The following ACOT11 variants were observed in gnomAD, a reference collection of about 807,000 sequenced individuals.
ACOT11 encodes the protein acyl-CoA thioesterase 11.
A neutral mutation model predicts 77.5 loss-of-function variants in ACOT11; 69 were observed. The ratio of observed to expected loss-of-function variants is 0.89; its 90% CI spans 0.73 to 1.09. The LOEUF is 1.09. ACOT11 is among the 50% of genes least tolerant of loss of function. ACOT11 has a pLI of 0.00. For synonymous variants in ACOT11, 279 were observed against 313.0 expected (o/e 0.89, Z 1.15); for missense variants, 766 against 813.7 (o/e 0.94, Z 0.71).
In ACOT11 at chr1:54,584,417, C is replaced by T. The variant is rs1236876842; in HGVS notation, c.34-238C>T. 3.3e-5 allele frequency among the ~76,000 whole-genome samples: 5 copies of T among 152,260 alleles called. No individual in the cohort carries two copies. The highest frequency in any genetic ancestry group is 9.6e-5 in the African/African-American group (4 of 41,554). ...CCACTGGCCCACTCGGGTGCAAGGC[C>T]GTGTTCATGTGCAGTTCTTGGCCAA... On this transcript the variant is annotated intron_variant, in intron 1 of 15. Coordinates refer to ENST00000343744, the MANE Select transcript of ACOT11 (RefSeq NM_147161.4). This position sits in a 1 kb window ranked among gnomAD's most constrained non-coding sequence, Gnocchi z 6.3.
downstream of ACOT11, among the ~76,000 whole-genome samples, chr1:54,611,982 C>T (rs1437689840): frequency 1.3e-5 from 2 of 151,752 alleles, no homozygotes; most frequent in Non-Finnish European, 2.9e-5. Context: ...GCTGCCTCCT[C>T]ACTTGCAGTG....
intron 1 of ACOT11, among the ~76,000 whole-genome samples, chr1:54,559,324 G>A (rs1345889389): frequency 6.6e-6 from 1 of 152,162 alleles, no homozygotes; most frequent in Non-Finnish European, 1.5e-5. Context: ...CCTCAGGGTC[G>A]AGGGAGGCTG....
chr1:54,565,591 G>A (rs987233752), intron 1 of ACOT11, among the ~76,000 whole-genome samples: 9 of 152,174 alleles, frequency 5.9e-5, no homozygotes, highest in Non-Finnish European at 1.3e-4. Context: ...TAAGGAATGA[G>A]GAGGATTCCT....
chr1:54,576,104 T>C (rs2100968597), intron 1 of ACOT11, among the ~76,000 whole-genome samples: 1 of 152,104 alleles, frequency 6.6e-6, no homozygotes, highest in East Asian at 1.9e-4. Context: ...TTGAAGGAGC[T>C]GGGGGTTGCT....
chr1:54,612,115 A>C (rs1295913307), downstream of ACOT11, among the ~76,000 whole-genome samples: 2 of 93,522 alleles, frequency 2.1e-5, no homozygotes, highest in Non-Finnish European at 4.3e-5. Flanking sequence ...TAGGGGGTAT[A>C]GTGGGGGCAG....
chr1:54,577,524 T>C (rs1471871802), intron 1 of ACOT11, among the ~76,000 whole-genome samples: 1 of 152,236 alleles, frequency 6.6e-6, no homozygotes, highest in East Asian at 1.9e-4. Context: ...CAGATATACA[T>C]ATATATCTAT....
At chr1:54,567,402 C>T (rs1468008212) in intron 1 of ACOT11, among the ~76,000 whole-genome samples, 6 of 151,912 alleles carry the variant, frequency 3.9e-5, no homozygotes, top group African/African-American at 1.2e-4. Flanking sequence ...CCTCAGCCTC[C>T]GGAGTAGCTG....
intron 1 of ACOT11, among the ~76,000 whole-genome samples, chr1:54,576,300 G>A (rs579412): frequency 0.06 from 9,158 of 152,090 alleles, 876 homozygotes; most frequent in African/African-American, 0.21. Flanking sequence ...GGAGGCTGAG[G>A]TGGGCAGATG....
chr1:54,605,246 C>G (rs754138091), intron 13 of ACOT11, 37 bp downstream of exon 13: 2 of 1,602,326 alleles, frequency 1.2e-6, no homozygotes, highest in Admixed American at 3.4e-5. Flanking sequence ...AGTGTCCCTT[C>G]TCCGGCCTGA....
In ACOT11 at chr1:54,609,156, TC is replaced by T; in HGVS notation, c.*48del. 1.2e-6 allele frequency: 2 copies of T among 1,612,772 alleles called. No individual in the cohort carries two copies. The highest frequency in any genetic ancestry group is 1.1e-5 in the South Asian group (1 of 90,814). On this transcript the variant is annotated 3_prime_UTR_variant, in exon 16 of 16. Coordinates refer to ENST00000343744, the MANE Select transcript of ACOT11 (RefSeq NM_147161.4). The stretch of plus-strand genomic sequence containing the variant: ...TCATGCCCACTCCCACTCCATCCTG[TC>T]CCCAAGGACTCACATACAGTGCCTG...
At chr1:54,634,582 T>C in intron 16 of ACOT11, 2 of 668,184 alleles carry the variant, frequency 3.0e-6, no homozygotes, top group Non-Finnish European at 5.4e-6. Context: ...GAACAGCCCA[T>C]ACACAATTGA....
At chr1:54,611,117 T>C, downstream of ACOT11, 1 of 743,128 alleles carries the variant, frequency 1.3e-6, no homozygotes, top group Non-Finnish European at 1.6e-6. Context: ...CTCTATAAAA[T>C]GGAATCCCTC....
chr1:54,556,085 C>T (rs557211961), intron 1 of ACOT11, among the ~76,000 whole-genome samples: 1 of 152,204 alleles, frequency 6.6e-6, no homozygotes, highest in South Asian at 2.1e-4. Context: ...GGATTGATTT[C>T]ATTTTTCTAC....
intron 15 of ACOT11, 131 bp downstream of exon 15, chr1:54,608,199 G>C: frequency 1.2e-6 from 1 of 829,666 alleles, no homozygotes; most frequent in Non-Finnish European, 1.8e-6. Context: ...TTCCAGCCTG[G>C]GGGAGCCTGA....
chr1:54,569,094 G>A (rs1653841491), intron 1 of ACOT11, among the ~76,000 whole-genome samples: 1 of 149,496 alleles, frequency 6.7e-6, no homozygotes, highest in African/African-American at 2.5e-5. Flanking sequence ...CTGGGCAATA[G>A]ACAGAGCAAG....
chr1:54,611,711 G>A (rs753674345), downstream of ACOT11: 1 of 1,614,138 alleles, frequency 6.2e-7, no homozygotes, highest in Non-Finnish European at 8.5e-7. Context: ...ACCGACATGG[G>A]GTCCGAGGCA....
intron 1 of ACOT11, among the ~76,000 whole-genome samples, chr1:54,563,133 C>A (rs569729034): frequency 7.2e-5 from 11 of 152,292 alleles, no homozygotes; most frequent in African/African-American, 2.6e-4. Context: ...CTCGCTGGCG[C>A]GGCGGCAAAG....
Position 54,610,189 on chromosome 1 carries a change from C to A in ACOT11, c.*1077C>A. ...GCCTGGGGGCTGGTGCCGGCCTTGC[C>A]TGCAGCAATGTAGCTGAGGACTGGT... On this transcript the variant is annotated 3_prime_UTR_variant, in exon 16 of 16. Coordinates refer to ENST00000343744, the MANE Select transcript of ACOT11 (RefSeq NM_147161.4). 1 of 1,433,472 alleles carries A rather than the reference C, an allele frequency of 7.0e-7. No homozygotes were observed. The highest frequency in any genetic ancestry group is 1.5e-5 in the South Asian group (1 of 66,296). 88.8% of individuals were successfully genotyped at this position (1,433,472 alleles called of 1,614,324 possible).
chr1:54,604,005 G>C, intron 11 of ACOT11, 68 bp downstream of exon 11: 2 of 1,475,728 alleles, frequency 1.4e-6, no homozygotes, highest in South Asian at 2.3e-5. Flanking sequence ...CTGCTTGTCA[G>C]AACGGGTTTG....
Sources: gnomAD v4.1 joint callset for allele counts (sites outside exome capture counted in the v4.1 genomes callset) on GRCh38, gnomAD v4.1.1 for gene constraint, Gnocchi (gnomAD v3.1) non-coding constraint, MANE v1.5 for transcripts, NCBI Gene and HGNC (gene_info 2026-07-23, HGNC 2026-07-21) for gene names.